The following AMBRA1 variants were observed in gnomAD, a reference collection of about 807,000 sequenced individuals.
AMBRA1 encodes the protein activating molecule in BECN1-regulated autophagy protein 1.
A neutral mutation model predicts 125.4 loss-of-function variants in AMBRA1; 47 were observed. That is an observed-to-expected ratio of 0.37 (90% CI 0.30 to 0.48). The LOEUF is 0.48. AMBRA1 is among the 20% of genes least tolerant of loss of function. The pLI is 0.99. For missense variants in AMBRA1, 1,331 were observed against 1,693.4 expected (o/e 0.79, Z 3.76); for synonymous variants, 626 against 655.5 (o/e 0.95, Z 0.69).
chr11:46,517,492 T>G (rs1023334782), intron 7 of AMBRA1, among the ~76,000 whole-genome samples: 1 of 144,590 alleles, frequency 6.9e-6, no homozygotes, highest in African/African-American at 2.6e-5. Context: ...TTTTTTTTTT[T>G]TTTTTAAGTC....
At chr11:46,476,660 A>G (rs1590905444) in intron 11 of AMBRA1, among the ~76,000 whole-genome samples, 1 of 152,232 alleles carries the variant, frequency 6.6e-6, no homozygotes, top group East Asian at 1.9e-4. Context: ...TTAGTTTGCA[A>G]AATAAGCTAT....
intron 1 of AMBRA1, among the ~76,000 whole-genome samples, chr11:46,576,123 A>G (rs542334257): frequency 2.0e-5 from 3 of 152,302 alleles, no homozygotes; most frequent in African/African-American, 7.2e-5. Context: ...CAGCTAAGAA[A>G]AGAGTCATTT....
At chr11:46,499,666 CT>C (rs1035113178) in intron 9 of AMBRA1, among the ~76,000 whole-genome samples, 2 of 150,938 alleles carry the variant, frequency 1.3e-5, no homozygotes, top group Non-Finnish European at 1.5e-5. Flanking sequence ...TCTTTTTTTT[CT>C]TTTTTTTGAG....
intron 11 of AMBRA1, among the ~76,000 whole-genome samples, chr11:46,462,899 G>A (rs181296184): frequency 4.6e-5 from 7 of 152,110 alleles, no homozygotes; most frequent in African/African-American, 7.2e-5. Context: ...GATTACAGGC[G>A]TGCACCACCA....
At chr11:46,539,553 A>G (rs1289457860) in intron 7 of AMBRA1, among the ~76,000 whole-genome samples, 1 of 152,134 alleles carries the variant, frequency 6.6e-6, no homozygotes, top group Non-Finnish European at 1.5e-5. Flanking sequence ...GCGAAACTCC[A>G]TCTCAAAAAA....
chr11:46,541,590 CAAT>C (rs1393708117), intron 7 of AMBRA1, among the ~76,000 whole-genome samples: 1 of 152,174 alleles, frequency 6.6e-6, no homozygotes, highest in Admixed American at 6.5e-5. Flanking sequence ...GGGACTACTA[CAAT>C]AAGTAGTCCT....
chr11:46,534,927 G>C lies in AMBRA1; in HGVS notation c.2072+7018C>G, dbSNP rs180858790. On this transcript the variant is annotated intron_variant, in intron 7 of 17. Coordinates refer to ENST00000683756, the MANE Select transcript of AMBRA1 (RefSeq NM_001387011.1). Reference sequence around the variant, plus strand: ...GAGCTCAAACCATCTGCCCAACTTGGCTTCTCAGAGTGCTGGGATTACAGG... The same window carrying C: ...GAGCTCAAACCATCTGCCCAACTTGCCTTCTCAGAGTGCTGGGATTACAGG... Among the ~76,000 whole-genome samples, 21 of 152,308 alleles carry C rather than the reference G, an allele frequency of 1.4e-4. No homozygotes were observed. In the East Asian group the frequency reaches 1.9e-3, roughly 14 times the overall value.
intron 11 of AMBRA1, among the ~76,000 whole-genome samples, chr11:46,461,254 T>C (rs558218871): frequency 3.9e-5 from 6 of 152,022 alleles, no homozygotes; most frequent in Non-Finnish European, 8.8e-5. Flanking sequence ...AAAAATAAAA[T>C]ATAATAAACT....
chr11:46,479,415 T>C (rs879539684), intron 11 of AMBRA1, among the ~76,000 whole-genome samples: 1 of 152,098 alleles, frequency 6.6e-6, no homozygotes, highest in Non-Finnish European at 1.5e-5. Flanking sequence ...AAACATGACA[T>C]AAGGAGAGAT....
At chr11:46,528,366 T>TAGTGTATGTTTAGTACAAATGGC (rs1952072668) in intron 7 of AMBRA1, among the ~76,000 whole-genome samples, 3 of 152,210 alleles carry the variant, frequency 2.0e-5, no homozygotes, top group African/African-American at 7.2e-5. Context: ...AAATGGAGTT[T>TAGTGTATGTTTAGTACAAATGGC]CACCATGTTG....
chr11:46,421,869 C>A (rs944704808), intron 14 of AMBRA1, among the ~76,000 whole-genome samples: 2 of 152,188 alleles, frequency 1.3e-5, no homozygotes, highest in African/African-American at 4.8e-5. Context: ...TCCACGGGGA[C>A]TGGCTCTGTA....
intron 17 of AMBRA1, among the ~76,000 whole-genome samples, chr11:46,402,487 G>A (rs1008773339): frequency 6.6e-6 from 1 of 151,992 alleles, no homozygotes; most frequent in East Asian, 1.9e-4. Context: ...TCAGCCTCCC[G>A]AGTAGCTGGG....
intron 9 of AMBRA1, 138 bp downstream of exon 9, chr11:46,508,053 C>T: frequency 1.1e-6 from 1 of 923,806 alleles, no homozygotes; most frequent in Non-Finnish European, 1.6e-6. Context: ...CTGTCCCTCA[C>T]CCCATCCTGC....
In AMBRA1 at chr11:46,514,500, G is replaced by C. The variant is rs138188820; in HGVS notation, c.2073-1687C>G. ...ATAAAATACATCTCTCTGGTTGAAAGACTAAATCTTCAGTAACATCACTGT... is the reference window on the plus strand; with the variant it reads ...ATAAAATACATCTCTCTGGTTGAAACACTAAATCTTCAGTAACATCACTGT... On this transcript the variant is annotated intron_variant, in intron 7 of 17. Transcript: ENST00000683756. 1.5e-4 allele frequency among the ~76,000 whole-genome samples: 23 copies of C among 152,324 alleles called. No homozygotes were observed. The East Asian group carries it at 4.4e-3, about 29-fold the overall frequency.
intron 1 of AMBRA1, among the ~76,000 whole-genome samples, chr11:46,573,881 G>A (rs1229814534): frequency 7.5e-6 from 1 of 133,078 alleles, no homozygotes; most frequent in Non-Finnish European, 1.5e-5. Flanking sequence ...TGATCTCATT[G>A]TTCAATTCCC....
chr11:46,549,205 G>C (rs2042915667), intron 1 of AMBRA1, among the ~76,000 whole-genome samples: 2 of 152,182 alleles, frequency 1.3e-5, no homozygotes, highest in African/African-American at 4.8e-5. Context: ...ACACACAAGT[G>C]TAATGATTAA....
intron 1 of AMBRA1, among the ~76,000 whole-genome samples, chr11:46,590,271 C>A (rs987517509): frequency 4.0e-5 from 6 of 151,690 alleles, no homozygotes; most frequent in African/African-American, 1.5e-4. Flanking sequence ...ACCCAGGAGG[C>A]AGAGGCTGCA....
chr11:46,581,613 A>T (rs543465777), intron 1 of AMBRA1, among the ~76,000 whole-genome samples: 18 of 151,986 alleles, frequency 1.2e-4, no homozygotes, highest in African/African-American at 4.1e-4. Context: ...CTCAAAAAAT[A>T]AATAAATAAA....
intron 5 of AMBRA1, 149 bp downstream of exon 5, chr11:46,545,455 C>G: frequency 1.1e-6 from 1 of 874,722 alleles, no homozygotes; most frequent in South Asian, 1.9e-5. Flanking sequence ...GAGTGACACC[C>G]TGTCTCAAAA....
Sources: gnomAD v4.1 joint callset for allele counts (sites outside exome capture counted in the v4.1 genomes callset) on GRCh38, gnomAD v4.1.1 for gene constraint, MANE v1.5 for transcripts, NCBI Gene and HGNC (gene_info 2026-07-23, HGNC 2026-07-21) for gene names.